Variants in ANO5 observed in about 807,000 individuals in gnomAD.
ANO5 encodes the protein anoctamin-5.
A neutral mutation model predicts 121.0 loss-of-function variants in ANO5; 109 were observed. The observed-to-expected ratio is 0.90, with a 90% CI of 0.77 to 1.06. The LOEUF is 1.06. Ranked by LOEUF, ANO5 falls within the 50% of genes least tolerant of loss-of-function variation. The pLI, the probability that ANO5 is intolerant of heterozygous loss-of-function variation, is 0.00. For synonymous variants in ANO5, 406 were observed against 359.9 expected (o/e 1.13, Z -1.45); for missense variants, 1,064 against 1,078.5 (o/e 0.99, Z 0.19).
intron 2 of ANO5, among the ~76,000 whole-genome samples, chr11:22,207,678 T>A (rs1691801907): frequency 6.6e-6 from 1 of 152,108 alleles, no homozygotes; most frequent in Non-Finnish European, 1.5e-5. Context: ...ATTGATAAAT[T>A]GGAGTTTATC....
intron 9 of ANO5, among the ~76,000 whole-genome samples, chr11:22,245,704 A>C (rs1003417468): frequency 6.6e-6 from 1 of 152,142 alleles, no homozygotes; most frequent in African/African-American, 2.4e-5. Context: ...TTATAAACAG[A>C]GTTTCTAGCA....
At chr11:22,208,331 T>C (rs1034562815) in intron 2 of ANO5, among the ~76,000 whole-genome samples, 1 of 152,062 alleles carries the variant, frequency 6.6e-6, no homozygotes, top group Non-Finnish European at 1.5e-5. Flanking sequence ...AGCCTTATCA[T>C]GTAAAACTAC....
intron 1 of ANO5, among the ~76,000 whole-genome samples, chr11:22,200,542 T>A (rs1037876631): frequency 1.3e-5 from 2 of 152,136 alleles, no homozygotes; most frequent in Non-Finnish European, 2.9e-5. Flanking sequence ...ATCAAGGACA[T>A]TTTTAAGTTA....
intron 17 of ANO5, among the ~76,000 whole-genome samples, chr11:22,264,116 T>C (rs12279337): frequency 0.13 from 19,723 of 146,736 alleles, 3,806 homozygotes; most frequent in African/African-American, 0.43. Flanking sequence ...CTCCACCTCC[T>C]GGGTTCAAGC....
chr11:22,219,868 C>T (rs1289382567), intron 4 of ANO5, among the ~76,000 whole-genome samples: 1 of 149,666 alleles, frequency 6.7e-6, no homozygotes, highest in Non-Finnish European at 1.5e-5. Flanking sequence ...TGTATCTTGG[C>T]ACTTAATCTC....
chr11:22,264,481 A>T (rs1564945173), intron 17 of ANO5, among the ~76,000 whole-genome samples: 1 of 152,046 alleles, frequency 6.6e-6, no homozygotes. Flanking sequence ...ATTTTAAAAA[A>T]AAAACAAGCA....
intron 5 of ANO5, among the ~76,000 whole-genome samples, chr11:22,224,536 G>A (rs993947890): frequency 2.0e-5 from 3 of 152,076 alleles, no homozygotes; most frequent in Non-Finnish European, 4.4e-5. Context: ...GTGGAAGAAT[G>A]ATACCAGATC....
At position 22,282,033 on chromosome 11, in the gene ANO5, T is replaced by C. The variant is rs1415892188; in HGVS notation, c.*2268T>C. On this transcript the variant is annotated 3_prime_UTR_variant, in exon 22 of 22. Transcript: ENST00000324559. ...CTGAAACCATGCTAACCAAAATCAG[T>C]AGCCAAACCAATTCAGATAGATGTG... 6.6e-6 allele frequency: 1 copy of C among 152,064 alleles called. No homozygotes were observed. Among genetic ancestry groups the C allele is most frequent in the African/African-American group, 2.4e-5 (1 of 41,434 alleles). The allele number at this position is 152,064 out of a possible 1,614,324, so 9.4% of individuals were successfully genotyped here.
At chr11:22,260,049 T>A (rs1590301538) in intron 15 of ANO5, among the ~76,000 whole-genome samples, 1 of 152,134 alleles carries the variant, frequency 6.6e-6, no homozygotes, top group African/African-American at 2.4e-5. Flanking sequence ...AAATAATCAC[T>A]TTACTGAAGA....
intron 3 of ANO5, among the ~76,000 whole-genome samples, chr11:22,217,070 T>C (rs1253040009): frequency 6.6e-6 from 1 of 151,998 alleles, no homozygotes; most frequent in African/African-American, 2.4e-5. Flanking sequence ...ATCTTTTGTA[T>C]TTTAAAACAA....
intron 9 of ANO5, among the ~76,000 whole-genome samples, chr11:22,249,270 A>T (rs1310406057): frequency 1.3e-5 from 2 of 152,106 alleles, no homozygotes; most frequent in African/African-American, 4.8e-5. Flanking sequence ...TTAAAATCTC[A>T]TTGAGAAAAA....
At chr11:22,205,562 TA>T (rs1474008329) in intron 2 of ANO5, among the ~76,000 whole-genome samples, 2 of 133,340 alleles carry the variant, frequency 1.5e-5, no homozygotes, top group East Asian at 4.2e-4. Flanking sequence ...TAAAATAAAA[TA>T]AAATAAAATA....
At chr11:22,276,857 CT>C (rs2133802613) in intron 21 of ANO5, among the ~76,000 whole-genome samples, 1 of 151,474 alleles carries the variant, frequency 6.6e-6, no homozygotes, top group East Asian at 1.9e-4. Context: ...CTTTTTCACC[CT>C]GGAATAAAGC....
At position 22,210,061 on chromosome 11, in the gene ANO5, C is replaced by T. The variant is rs535546498; in HGVS notation, c.88-1203C>T. 5.2e-4 allele frequency among the ~76,000 whole-genome samples: 79 copies of T among 151,986 alleles called. No individual in the cohort carries two copies. The Middle Eastern group carries it at 0.01, about 20-fold the overall frequency. The stretch of plus-strand genomic sequence containing the variant: ...TCATTTGCTATCTGTTGTATTTAGA[C>T]GAGCTAGTGGAATTCATTCAAGGTC... On this transcript the variant is annotated intron_variant, in intron 2 of 21. Transcript: ENST00000324559.
At chr11:22,229,957 T>C (rs1026548867) in intron 7 of ANO5, among the ~76,000 whole-genome samples, 2 of 151,972 alleles carry the variant, frequency 1.3e-5, no homozygotes, top group African/African-American at 4.8e-5. Context: ...TACATTAATA[T>C]AGAATTTCAT....
chr11:22,220,915 C>T (rs1171280102), intron 4 of ANO5, among the ~76,000 whole-genome samples, 182 bp from the exon 5 acceptor site: 1 of 151,864 alleles, frequency 6.6e-6, no homozygotes, highest in Non-Finnish European at 1.5e-5. Flanking sequence ...TTATCTTCCT[C>T]CTGAGTCATT....
chr11:22,262,389 A>G, intron 16 of ANO5, 91 bp downstream of exon 16: 1 of 1,361,558 alleles, frequency 7.3e-7, no homozygotes, highest in South Asian at 1.2e-5. Context: ...ACATGCTAAA[A>G]AATTACAAAA....
In ANO5 at chr11:22,272,934, T is replaced by C. The variant is rs753732115; in HGVS notation, c.2180T>C (p.Ile727Thr). 1.9e-6 allele frequency: 3 copies of C among 1,614,124 alleles called. No individual in the cohort carries two copies. The East Asian group carries it at 6.7e-5, about 36-fold the overall frequency. ...ACTGTAGCTTCTAAAGCTCATAGCA[T>C]AGGTGTTTGGCAAGACATTCTTTAT... ...RRTVASKAHS[I>T]GVWQDILYGM... Residue 727 changes from isoleucine to threonine, a missense_variant, in exon 19 of 22, where the codon ATA becomes ACA. Coordinates refer to ENST00000324559, the MANE Select transcript of ANO5 (RefSeq NM_213599.3).
At chr11:22,267,593 A>C (rs1377166884) in intron 17 of ANO5, among the ~76,000 whole-genome samples, 1 of 148,026 alleles carries the variant, frequency 6.8e-6, no homozygotes, top group Non-Finnish European at 1.5e-5. Flanking sequence ...AGATTTGTTT[A>C]TCCCTGTACC....
Sources: gnomAD v4.1 joint callset for allele counts (sites outside exome capture counted in the v4.1 genomes callset) on GRCh38, gnomAD v4.1.1 for gene constraint, MANE v1.5 for transcripts, NCBI Gene and HGNC (gene_info 2026-07-23, HGNC 2026-07-21) for gene names.